The following POT1 variants were observed in gnomAD, a reference collection of about 807,000 sequenced individuals.
POT1 encodes protection of telomeres 1.
POT1 carries 47 observed loss-of-function variants against 78.5 expected under a neutral mutation model. The ratio of observed to expected loss-of-function variants is 0.60; its 90% CI spans 0.47 to 0.76. The LOEUF is 0.76. Ranked by LOEUF, POT1 falls within the 30% of genes least tolerant of loss-of-function variation. The pLI is 0.00. For synonymous variants in POT1, 259 were observed against 260.7 expected, an observed-to-expected ratio of 0.99 and a Z score of 0.06; for missense variants, 646 against 749.9, an observed-to-expected ratio of 0.86 and a Z score of 1.62.
At chr7:124,854,178 C>T (rs183936020) in intron 9 of POT1, among the ~76,000 whole-genome samples, 2 of 151,864 alleles carry the variant, frequency 1.3e-5, no homozygotes, top group African/African-American at 4.8e-5. Flanking sequence ...GGAATATCTG[C>T]ATATATATAA....
At chr7:124,847,402 G>T (rs988664255) in intron 11 of POT1, among the ~76,000 whole-genome samples, 3 of 152,208 alleles carry the variant, frequency 2.0e-5, no homozygotes, top group Admixed American at 6.5e-5. Flanking sequence ...GCTGAGGCAT[G>T]AGAATCACTT....
intron 3 of POT1, among the ~76,000 whole-genome samples, chr7:124,909,816 T>C (rs991645356): frequency 6.6e-6 from 1 of 151,944 alleles, no homozygotes; most frequent in Non-Finnish European, 1.5e-5. Flanking sequence ...TGTTAATTCA[T>C]AGCATAACCC....
chr7:124,879,345 T>C (rs78297463), intron 6 of POT1, among the ~76,000 whole-genome samples: 7,658 of 152,076 alleles, frequency 0.05, 260 homozygotes, highest in Non-Finnish European at 0.071. Context: ...TCAGCAGAAA[T>C]CAGTGACCTT....
At chr7:124,912,524 T>G (rs939408545) in intron 3 of POT1, among the ~76,000 whole-genome samples, 3 of 152,160 alleles carry the variant, frequency 2.0e-5, no homozygotes, top group Non-Finnish European at 4.4e-5. Flanking sequence ...ATGTTTACAG[T>G]TCTGCCTTAC....
chr7:124,843,825 C>CTTTA (rs1795091103), intron 12 of POT1, among the ~76,000 whole-genome samples: 1 of 152,156 alleles, frequency 6.6e-6, no homozygotes, highest in Non-Finnish European at 1.5e-5. Context: ...CAGTACTGAG[C>CTTTA]TTTAATCCAA....
intron 14 of POT1, chr7:124,837,182 GT>G: frequency 3.5e-6 from 1 of 289,198 alleles, no homozygotes; most frequent in Non-Finnish European, 6.8e-6. Flanking sequence ...TTCCTCTTCT[GT>G]TTACAAAGGG....
rs150247017 is a variant in POT1 at position 124,906,585 on chromosome 7, A to G, written c.-153-8211T>C. Among the ~76,000 whole-genome samples the G allele has an allele frequency of 3.9e-3, 597 of 152,236 alleles. 5 individuals are homozygous for G. Among genetic ancestry groups the G allele is most frequent in the African/African-American group, 0.012 (496 of 41,532 alleles). ...GCACACCAACGTGGCACATGTATAC[A>G]TATGTAACAAAACTGCACGGTGTGC... On this transcript the variant is annotated intron_variant, in intron 3 of 18. Coordinates refer to ENST00000357628, the MANE Select transcript of POT1 (RefSeq NM_015450.3).
chr7:124,929,044 T>A (rs1797343991), intron 1 of POT1, 45 bp from the exon 2 acceptor site: 4 of 152,582 alleles, frequency 2.6e-5, no homozygotes, highest in Admixed American at 2.6e-4. Flanking sequence ...AAGTCAATAA[T>A]TTGCTTTAAG....
intron 9 of POT1, chr7:124,853,378 A>G: frequency 3.1e-6 from 1 of 317,924 alleles, no homozygotes; most frequent in Non-Finnish European, 5.7e-6. Context: ...ATACATATAC[A>G]CACACATTCA....
chr7:124,893,520 A>G (rs142122300), intron 5 of POT1, among the ~76,000 whole-genome samples: 27 of 151,624 alleles, frequency 1.8e-4, no homozygotes, highest in African/African-American at 5.5e-4. Context: ...AAGAAAAGAA[A>G]CAACTTGCTG....
At chr7:124,861,177 G>A (rs541957798) in intron 8 of POT1, among the ~76,000 whole-genome samples, 8 of 152,224 alleles carry the variant, frequency 5.3e-5, no homozygotes, top group Middle Eastern at 3.4e-3. Context: ...TTCAGGAATC[G>A]CCACACTGTC....
chr7:124,835,391 T>A lies in POT1; in HGVS notation c.1393A>T (p.Lys465Ter), dbSNP rs1246723310. The A allele has an allele frequency of 6.2e-7, 1 of 1,613,170 alleles. No homozygotes were observed. The highest frequency in any genetic ancestry group is 8.5e-7 in the Non-Finnish European group (1 of 1,179,250). ...ACACTATTAAACTTGTTCGAGAGTT[T>A]GCAAATTTCACTGAGTGTACCTCCT... ...IEGGTLSEIC[K>*]LSNKFNSVIP... Residue 465 changes from lysine to a stop codon, truncating the protein, a stop_gained, in exon 15 of 19, where the codon AAA (lysine) becomes TAA (stop). Coordinates refer to ENST00000357628, the MANE Select transcript of POT1 (RefSeq NM_015450.3). LOFTEE classifies it high-confidence loss of function.
rs34065637 is a variant in POT1, at chr7:124,866,305, T to TG, written c.256-2666dup. Among the ~76,000 whole-genome samples, 18 of 151,904 alleles carry TG rather than the reference T, an allele frequency of 1.2e-4. No individual in the cohort carries two copies. In the East Asian group the frequency reaches 3.5e-3, roughly 30 times the overall value. On this transcript the variant is annotated intron_variant, in intron 7 of 18. Coordinates refer to ENST00000357628, the MANE Select transcript of POT1 (RefSeq NM_015450.3). ...GGTCCTTCGTGAGGTGAGCTACTTT[T>TG]GGGGGGTGAAACCTTTGTGCTGCCT... is the stretch of plus-strand genomic sequence containing the variant.
At chr7:124,869,733 C>T (rs957002197) in intron 7 of POT1, among the ~76,000 whole-genome samples, 5 of 152,072 alleles carry the variant, frequency 3.3e-5, no homozygotes, top group African/African-American at 9.7e-5. Context: ...CAAGCATTAC[C>T]ACCACGCCCG....
At chr7:124,828,055 T>C (rs1281333832) in intron 16 of POT1, among the ~76,000 whole-genome samples, 1 of 151,176 alleles carries the variant, frequency 6.6e-6, no homozygotes, top group Non-Finnish European at 1.5e-5. Flanking sequence ...AATAAATAAA[T>C]AAAAAAAACA....
At chr7:124,874,226 C>T (rs2116577008) in intron 6 of POT1, among the ~76,000 whole-genome samples, 1 of 152,216 alleles carries the variant, frequency 6.6e-6, no homozygotes, top group South Asian at 2.1e-4. Context: ...CATTAGGGAA[C>T]CTACAGCCTA....
chr7:124,885,547 A>G (rs1441868498), intron 6 of POT1, among the ~76,000 whole-genome samples: 4 of 151,982 alleles, frequency 2.6e-5, no homozygotes, highest in Non-Finnish European at 5.9e-5. Context: ...CAGGTGGATC[A>G]TGAGGTCAGG....
chr7:124,837,398 T>C (rs533597629), intron 14 of POT1, among the ~76,000 whole-genome samples: 1 of 152,234 alleles, frequency 6.6e-6, no homozygotes, highest in African/African-American at 2.4e-5. Context: ...GGAAGTTAAA[T>C]GTTATGCAGT....
chr7:124,839,758 T>A (rs1794981110), intron 14 of POT1, among the ~76,000 whole-genome samples: 1 of 152,162 alleles, frequency 6.6e-6, no homozygotes, highest in African/African-American at 2.4e-5. Context: ...AGTTTCCCTA[T>A]GTCCCCTAGC....
Sources: allele counts gnomAD v4.1 joint callset (sites outside exome capture counted in the v4.1 genomes callset), GRCh38; gene constraint gnomAD v4.1.1; transcripts MANE v1.5; gene names NCBI Gene and HGNC (gene_info 2026-07-23, HGNC 2026-07-21).